PLPPR5: variants seen among roughly 807,000 people sequenced by gnomAD.
PLPPR5 encodes the protein phospholipid phosphatase related 5.
A neutral mutation model predicts 33.9 loss-of-function variants in PLPPR5; 16 were observed. The ratio of observed to expected loss-of-function variants is 0.47; its 90% confidence interval spans 0.32 to 0.72. PLPPR5 has a LOEUF of 0.72. Among genes scored for constraint, PLPPR5 ranks in the 30% least tolerant of loss-of-function variants. PLPPR5 has a pLI of 0.03. For missense variants in PLPPR5, 301 were observed against 406.7 expected (o/e 0.74, Z 2.23); for synonymous variants, 163 against 150.3 (o/e 1.08, Z -0.62).
At chr1:98,999,196 G>A (rs1347876810) in intron 1 of PLPPR5, among the ~76,000 whole-genome samples, 2 of 152,184 alleles carry the variant, frequency 1.3e-5, no homozygotes, top group Non-Finnish European at 2.9e-5. Flanking sequence ...CTTTAAAGAG[G>A]TTTCCTGATT....
intron 3 of PLPPR5, among the ~76,000 whole-genome samples, chr1:98,945,156 T>TA (rs1650507236): frequency 2.6e-5 from 4 of 152,208 alleles, no homozygotes; most frequent in Admixed American, 2.6e-4. Flanking sequence ...GTTGTCACTT[T>TA]AAAAAGCAAA....
At chr1:98,961,640 G>T (rs1360077377) in intron 1 of PLPPR5, among the ~76,000 whole-genome samples, 1 of 152,054 alleles carries the variant, frequency 6.6e-6, no homozygotes, top group Non-Finnish European at 1.5e-5. Flanking sequence ...CCTAAGCTTA[G>T]CACAGTACTA....
chr1:98,927,873 T>G (rs563363072), intron 3 of PLPPR5, among the ~76,000 whole-genome samples: 1 of 152,192 alleles, frequency 6.6e-6, no homozygotes, highest in East Asian at 1.9e-4. Flanking sequence ...ATTTGTGTTT[T>G]CTCTATAAAA....
chr1:98,950,054 A>C (rs1650720404), intron 3 of PLPPR5, among the ~76,000 whole-genome samples: 1 of 152,232 alleles, frequency 6.6e-6, no homozygotes, highest in African/African-American at 2.4e-5. Context: ...TTATGCAGGA[A>C]AGAATTCAGC....
chr1:98,996,412 CA>C (rs34295298), intron 1 of PLPPR5, among the ~76,000 whole-genome samples: 7 of 148,566 alleles, frequency 4.7e-5, no homozygotes, highest in South Asian at 2.1e-4. Context: ...TTTTTGCCAC[CA>C]AAAAAAAATG....
chr1:98,969,350 G>T (rs1409878301), intron 1 of PLPPR5, among the ~76,000 whole-genome samples: 1 of 152,018 alleles, frequency 6.6e-6, no homozygotes, highest in East Asian at 1.9e-4. Flanking sequence ...CCACTTCCCT[G>T]GTTATTAGAA....
intron 3 of PLPPR5, among the ~76,000 whole-genome samples, chr1:98,948,222 A>G (rs1012322048): frequency 6.6e-6 from 1 of 152,194 alleles, no homozygotes; most frequent in African/African-American, 2.4e-5. Flanking sequence ...AGAGAGGGGC[A>G]AACAGACACT....
chr1:98,968,631 T>C (rs1372560916), intron 1 of PLPPR5, among the ~76,000 whole-genome samples: 3 of 152,086 alleles, frequency 2.0e-5, no homozygotes, highest in African/African-American at 4.8e-5. Flanking sequence ...TTCATCAACA[T>C]TTATAAATTA....
chr1:98,983,752 G>A, intron 1 of PLPPR5, among the ~76,000 whole-genome samples: 1 of 151,908 alleles, frequency 6.6e-6, no homozygotes, highest in African/African-American at 2.4e-5. Flanking sequence ...AGCACCTGTT[G>A]TTTCCTGACT....
upstream of PLPPR5, chr1:99,004,928 C>A (rs1390248699): frequency 5.8e-6 from 1 of 172,942 alleles, no homozygotes; most frequent in African/African-American, 2.4e-5. Flanking sequence ...GCCGCAAGCG[C>A]CGCCCGCCCC....
intron 1 of PLPPR5, among the ~76,000 whole-genome samples, chr1:98,977,539 C>T (rs887615166): frequency 1.3e-5 from 2 of 148,150 alleles, no homozygotes; most frequent in South Asian, 2.2e-4. Flanking sequence ...ATCTAGGATG[C>T]TATGATGCTT....
intron 1 of PLPPR5, among the ~76,000 whole-genome samples, chr1:98,999,346 A>T (rs1011306433): frequency 7.2e-5 from 11 of 152,198 alleles, no homozygotes; most frequent in African/African-American, 2.4e-4. Flanking sequence ...ATTTTACAAT[A>T]GAGAAAACGG....
chr1:98,988,487 C>A (rs1180324620), intron 1 of PLPPR5, among the ~76,000 whole-genome samples: 1 of 152,002 alleles, frequency 6.6e-6, no homozygotes, highest in Non-Finnish European at 1.5e-5. Context: ...TAGACTATAT[C>A]CTGAATTATC....
At chr1:99,004,263 C>G in intron 1 of PLPPR5, 172 bp downstream of exon 1, 1 of 600,210 alleles carries the variant, frequency 1.7e-6, no homozygotes, top group Admixed American at 3.3e-5. Context: ...GGGCTTCCTT[C>G]GCACCCACCC....
intron 5 of PLPPR5, among the ~76,000 whole-genome samples, chr1:98,899,336 C>A (rs1648599492): frequency 1.3e-5 from 2 of 152,156 alleles, no homozygotes; most frequent in African/African-American, 4.8e-5. Context: ...GGTGTGAAAC[C>A]CAGATATCTT....
At chr1:98,995,353 A>G (rs1652595454) in intron 1 of PLPPR5, among the ~76,000 whole-genome samples, 2 of 152,112 alleles carry the variant, frequency 1.3e-5, no homozygotes, top group Non-Finnish European at 2.9e-5. Flanking sequence ...AAAACTACCT[A>G]TGGGATATTA....
chr1:98,937,156 G>C (rs1435310279), intron 3 of PLPPR5, among the ~76,000 whole-genome samples: 1 of 152,226 alleles, frequency 6.6e-6, no homozygotes, highest in East Asian at 1.9e-4. Flanking sequence ...CCCAGGTGCA[G>C]GCAGTGAGGG....
chr1:98,953,724 C>T (rs1650893284), intron 2 of PLPPR5, among the ~76,000 whole-genome samples: 1 of 152,068 alleles, frequency 6.6e-6, no homozygotes, highest in Non-Finnish European at 1.5e-5. Context: ...ATTTTTTTAT[C>T]TCACTAACGA....
chr1:98,970,970 A>G (rs1017432069), intron 1 of PLPPR5, among the ~76,000 whole-genome samples: 1 of 152,152 alleles, frequency 6.6e-6, no homozygotes, highest in Admixed American at 6.6e-5. Flanking sequence ...TCTTCCAATA[A>G]GCTTTTCTGC....
Sources: allele counts gnomAD v4.1 joint callset (sites outside exome capture counted in the v4.1 genomes callset), GRCh38; gene constraint gnomAD v4.1.1; transcripts MANE v1.5; gene names NCBI Gene and HGNC (gene_info 2026-07-23, HGNC 2026-07-21).